The following KCTD8 variants were observed in gnomAD, a reference collection of about 807,000 sequenced individuals.
The protein encoded by KCTD8 is BTB/POZ domain-containing protein KCTD8.
Under a neutral mutation model 31.5 loss-of-function variants are expected in KCTD8, and 27 were observed. The observed-to-expected ratio is 0.86, with a 90% CI of 0.63 to 1.18. The LOEUF is 1.18. Among genes scored for constraint, KCTD8 ranks in the 50% most tolerant of loss-of-function variants. The pLI is 0.00. For missense variants in KCTD8, 658 were observed against 647.7 expected, an observed-to-expected ratio of 1.02 and a Z score of -0.17; for synonymous variants, 290 against 280.0, an observed-to-expected ratio of 1.04 and a Z score of -0.36.
intron 1 of KCTD8, among the ~76,000 whole-genome samples, chr4:44,341,758 G>A (rs768256656): frequency 1.3e-5 from 2 of 152,150 alleles, no homozygotes; most frequent in Non-Finnish European, 2.9e-5. Flanking sequence ...AGATATTCAT[G>A]AGGGTTGGAA....
At chr4:44,383,063 T>TA (rs1170470695) in intron 1 of KCTD8, among the ~76,000 whole-genome samples, 9 of 150,682 alleles carry the variant, frequency 6.0e-5, no homozygotes, top group South Asian at 2.1e-4. Context: ...ATAATAGCTA[T>TA]AAAAAAACAA....
chr4:44,197,761 C>T (rs1235206218), intron 1 of KCTD8, among the ~76,000 whole-genome samples: 1 of 152,122 alleles, frequency 6.6e-6, no homozygotes, highest in African/African-American at 2.4e-5. Flanking sequence ...CAGTGTGTCC[C>T]CCTAACCTCC....
intron 1 of KCTD8, among the ~76,000 whole-genome samples, chr4:44,269,272 A>C (rs571761295): frequency 6.6e-5 from 10 of 152,338 alleles, no homozygotes; most frequent in East Asian, 1.9e-4. Context: ...CAAACCTGAG[A>C]AAAACAAGCA....
chr4:44,383,968 G>A (rs908624360), intron 1 of KCTD8, among the ~76,000 whole-genome samples: 18 of 151,632 alleles, frequency 1.2e-4, no homozygotes, highest in Admixed American at 2.6e-4. Context: ...CAACTCAACA[G>A]CAAATAACAA....
intron 1 of KCTD8, among the ~76,000 whole-genome samples, chr4:44,410,368 C>T (rs938635971): frequency 1.3e-5 from 2 of 152,082 alleles, no homozygotes; most frequent in South Asian, 4.1e-4. Context: ...ATTATAAAAA[C>T]TGCATTATAT....
intron 1 of KCTD8, among the ~76,000 whole-genome samples, chr4:44,311,007 A>ATT (rs11431391): frequency 6.0e-5 from 9 of 150,968 alleles, no homozygotes; most frequent in African/African-American, 9.7e-5. Flanking sequence ...TCTTCTTTGT[A>ATT]TTTTTTTTTC....
chr4:44,384,109 G>T (rs1173591678), intron 1 of KCTD8, among the ~76,000 whole-genome samples: 1 of 150,324 alleles, frequency 6.7e-6, no homozygotes, highest in Non-Finnish European at 1.5e-5. Context: ...ACTACAATGA[G>T]ATATCTTCTC....
Position 44,221,425 on chromosome 4 carries a change from C to T in KCTD8, c.962-46175G>A, listed in dbSNP as rs1329116178. On this transcript the variant is annotated intron_variant, in intron 1 of 1. Coordinates refer to ENST00000360029, the MANE Select transcript of KCTD8 (RefSeq NM_198353.3). Reference sequence around the variant, plus strand: ...TATTAGTCAGGGTTCTCTAGAGGGACGGGACTAATAGGATAGATGTATATA... The same window carrying T: ...TATTAGTCAGGGTTCTCTAGAGGGATGGGACTAATAGGATAGATGTATATA... Among the ~76,000 whole-genome samples the T allele has an allele frequency of 5.9e-5, 9 of 151,626 alleles. 1 individual carries two copies. The highest frequency in any genetic ancestry group is 1.0e-4 in the Non-Finnish European group (7 of 67,960).
At chr4:44,339,714 CA>C (rs902602386) in intron 1 of KCTD8, among the ~76,000 whole-genome samples, 3 of 151,424 alleles carry the variant, frequency 2.0e-5, no homozygotes, top group African/African-American at 4.9e-5. Context: ...TAAAATGCTA[CA>C]AAAAAAATTG....
chr4:44,333,552 T>C (rs1036977076), intron 1 of KCTD8, among the ~76,000 whole-genome samples: 8 of 152,110 alleles, frequency 5.3e-5, no homozygotes, highest in Admixed American at 3.9e-4. Flanking sequence ...CAGCAGTATG[T>C]AGCTAACAGT....
chr4:44,405,280 A>ACGGAGTCT, intron 1 of KCTD8, among the ~76,000 whole-genome samples: 1 of 136,824 alleles, frequency 7.3e-6, no homozygotes, highest in Non-Finnish European at 1.7e-5. Flanking sequence ...TTTTTGTGAG[A>ACGGAGTCT]CGGAGTCTCG....
intron 1 of KCTD8, among the ~76,000 whole-genome samples, chr4:44,394,439 C>T (rs1411168886): frequency 6.6e-6 from 1 of 151,882 alleles, no homozygotes; most frequent in Non-Finnish European, 1.5e-5. Flanking sequence ...AAAAAAATAC[C>T]CTTTGGTCTT....
At chr4:44,439,054 T>A (rs890936841) in intron 1 of KCTD8, among the ~76,000 whole-genome samples, 2 of 152,212 alleles carry the variant, frequency 1.3e-5, no homozygotes, top group Admixed American at 1.3e-4. Flanking sequence ...TGTGTTCAAG[T>A]ATTCACCTCT....
At chr4:44,342,097 C>T (rs533262721) in intron 1 of KCTD8, among the ~76,000 whole-genome samples, 3 of 152,166 alleles carry the variant, frequency 2.0e-5, no homozygotes, top group South Asian at 2.1e-4. Context: ...ATAGGCTGGG[C>T]GTGTTGGCTC....
intron 1 of KCTD8, among the ~76,000 whole-genome samples, chr4:44,382,760 A>G (rs1577646920): frequency 6.6e-6 from 1 of 151,860 alleles, no homozygotes; most frequent in East Asian, 1.9e-4. Context: ...AAACAAGACA[A>G]GAATGTTCAC....
chr4:44,195,287 T>C (rs933950595), intron 1 of KCTD8, among the ~76,000 whole-genome samples: 2 of 152,164 alleles, frequency 1.3e-5, no homozygotes, highest in Admixed American at 1.3e-4. Flanking sequence ...AATTAAGAAT[T>C]ATGATTTACA....
At chr4:44,280,756 A>G (rs1386814044) in intron 1 of KCTD8, among the ~76,000 whole-genome samples, 1 of 152,106 alleles carries the variant, frequency 6.6e-6, no homozygotes, top group Non-Finnish European at 1.5e-5. Context: ...GCACTTGGCA[A>G]AGCTAGATAA....
At chr4:44,345,286 T>G (rs1363035842) in intron 1 of KCTD8, among the ~76,000 whole-genome samples, 1 of 152,050 alleles carries the variant, frequency 6.6e-6, no homozygotes, top group Non-Finnish European at 1.5e-5. Context: ...ATAATAAATG[T>G]AAAAAGAATG....
At chr4:44,373,090 C>T (rs770420293) in intron 1 of KCTD8, among the ~76,000 whole-genome samples, 3 of 152,220 alleles carry the variant, frequency 2.0e-5, no homozygotes, top group East Asian at 1.9e-4. Flanking sequence ...AGAGGCCGGG[C>T]GCAGTGGCTC....
Sources: allele counts gnomAD v4.1 joint callset (sites outside exome capture counted in the v4.1 genomes callset), GRCh38; gene constraint gnomAD v4.1.1; transcripts MANE v1.5; gene names NCBI Gene and HGNC (gene_info 2026-07-23, HGNC 2026-07-21).